The following LRBA variants were observed in gnomAD, a reference collection of about 807,000 sequenced individuals.
LRBA encodes lipopolysaccharide-responsive and beige-like anchor protein.
In LRBA, 176 loss-of-function variants were observed where a neutral mutation model predicts 330.0. The observed-to-expected ratio is 0.53, with a 90% CI of 0.47 to 0.60. LRBA has a LOEUF of 0.60. LRBA is among the 20% of genes least tolerant of loss of function. The pLI, the probability that LRBA is intolerant of heterozygous loss-of-function variation, is 0.00. For synonymous variants in LRBA, 1,230 were observed against 1,193.0 expected, an observed-to-expected ratio of 1.03 and a Z score of -0.64; for missense variants, 3,259 against 3,444.8, an observed-to-expected ratio of 0.95 and a Z score of 1.35.
intron 44 of LRBA, 83 bp from the exon 45 acceptor site, chr4:150,436,947 G>A (rs1581308023): frequency 4.0e-6 from 5 of 1,253,266 alleles, no homozygotes; most frequent in East Asian, 4.8e-5. Flanking sequence ...ATATCCTACT[G>A]GTAAGTATAA....
intron 55 of LRBA, among the ~76,000 whole-genome samples, chr4:150,281,883 G>A (rs1252006929): frequency 6.6e-6 from 1 of 152,118 alleles, no homozygotes; most frequent in African/African-American, 2.4e-5. Flanking sequence ...GTCCACTGGC[G>A]GTGCCATTTC....
chr4:150,446,609 A>G (rs1344038039), intron 44 of LRBA, among the ~76,000 whole-genome samples: 2 of 152,202 alleles, frequency 1.3e-5, no homozygotes, highest in Admixed American at 1.3e-4. Flanking sequence ...CCCCAAAATG[A>G]AGCCCTTATA....
chr4:150,943,058 A>T (rs1323329292), intron 2 of LRBA, among the ~76,000 whole-genome samples: 1 of 152,202 alleles, frequency 6.6e-6, no homozygotes, highest in Non-Finnish European at 1.5e-5. Flanking sequence ...TACCCTTCAT[A>T]AGAGTTAGAA....
At chr4:150,518,556 T>C (rs1240286934) in intron 40 of LRBA, among the ~76,000 whole-genome samples, 1 of 152,154 alleles carries the variant, frequency 6.6e-6, no homozygotes, top group Admixed American at 6.5e-5. Context: ...TTCCCTACTT[T>C]AACGTTTGCA....
At chr4:151,013,121 A>G (rs1286858914) in intron 2 of LRBA, 5 of 152,226 alleles carry the variant, frequency 3.3e-5, no homozygotes, top group Non-Finnish European at 7.3e-5. Flanking sequence ...TGACCAGACC[A>G]TTAGAGAAGG....
intron 28 of LRBA, among the ~76,000 whole-genome samples, chr4:150,837,592 T>C (rs1748330448): frequency 6.6e-6 from 1 of 152,222 alleles, no homozygotes; most frequent in East Asian, 1.9e-4. Flanking sequence ...AAGTCTGTTT[T>C]ATCAGAGACT....
At chr4:150,434,205 C>T (rs1750794910) in intron 46 of LRBA, among the ~76,000 whole-genome samples, 1 of 152,076 alleles carries the variant, frequency 6.6e-6, no homozygotes, top group Non-Finnish European at 1.5e-5. Flanking sequence ...AACTTCAAAA[C>T]CATAGGGATA....
intron 47 of LRBA, among the ~76,000 whole-genome samples, chr4:150,389,371 A>C (rs1743549240): frequency 6.6e-6 from 1 of 151,706 alleles, no homozygotes; most frequent in Non-Finnish European, 1.5e-5. Flanking sequence ...ATAAATAAAT[A>C]AATAAATAAA....
At chr4:150,836,340 C>A (rs1441305968) in intron 28 of LRBA, among the ~76,000 whole-genome samples, 2 of 152,144 alleles carry the variant, frequency 1.3e-5, no homozygotes, top group South Asian at 4.1e-4. Flanking sequence ...AGGATTCCCT[C>A]TTTTTCTATT....
intron 40 of LRBA, among the ~76,000 whole-genome samples, chr4:150,529,780 C>T (rs372508621): frequency 1.2e-4 from 18 of 151,684 alleles, no homozygotes; most frequent in African/African-American, 4.1e-4. Context: ...CTGTAACAAT[C>T]AGTACACTCT....
chr4:151,004,415 C>T (rs537501888), intron 2 of LRBA, among the ~76,000 whole-genome samples: 1 of 152,326 alleles, frequency 6.6e-6, no homozygotes, highest in African/African-American at 2.4e-5. Flanking sequence ...GTAGCATATA[C>T]ATACAGCATG....
At chr4:150,335,431 A>G (rs148323562) in intron 48 of LRBA, among the ~76,000 whole-genome samples, 44 of 147,714 alleles carry the variant, frequency 3.0e-4, no homozygotes, top group Middle Eastern at 3.6e-3. Flanking sequence ...ACATATATAC[A>G]TATATATATA....
At chr4:150,690,001 T>C (rs1783973583) in intron 36 of LRBA, among the ~76,000 whole-genome samples, 1 of 151,818 alleles carries the variant, frequency 6.6e-6, no homozygotes, top group Non-Finnish European at 1.5e-5. Context: ...TTTATACAGA[T>C]CTTATAAAAA....
intron 2 of LRBA, among the ~76,000 whole-genome samples, chr4:151,007,734 G>A (rs1579481834): frequency 6.8e-6 from 1 of 146,330 alleles, no homozygotes; most frequent in East Asian, 2.1e-4. Flanking sequence ...GCGGGCGCCT[G>A]TAGTCCCAGC....
intron 40 of LRBA, among the ~76,000 whole-genome samples, chr4:150,535,556 C>T (rs1157462317): frequency 6.6e-6 from 1 of 152,132 alleles, no homozygotes; most frequent in African/African-American, 2.4e-5. Context: ...TTACAATTCA[C>T]GCAAGAACAG....
upstream of LRBA, chr4:151,015,690 T>C (rs937306250): frequency 7.9e-5 from 12 of 152,146 alleles, no homozygotes; most frequent in Non-Finnish European, 7.4e-5. Context: ...GTGTGCCCAC[T>C]GAAGCTGCTC....
intron 33 of LRBA, 99 bp downstream of exon 33, chr4:150,806,172 A>G: frequency 2.3e-6 from 2 of 880,982 alleles, no homozygotes; most frequent in Non-Finnish European, 3.3e-6. Context: ...AAGGCTGACA[A>G]CACTTAAACA....
At chr4:150,742,148 T>TATA in intron 35 of LRBA, among the ~76,000 whole-genome samples, 1 of 60,890 alleles carries the variant, frequency 1.6e-5, no homozygotes, top group African/African-American at 5.6e-5. Context: ...ATTATTATTA[T>TATA]TATTTTTTTT....
intron 34 of LRBA, among the ~76,000 whole-genome samples, chr4:150,765,408 T>G (rs374448393): frequency 5.3e-5 from 8 of 152,154 alleles, no homozygotes; most frequent in African/African-American, 1.7e-4. Flanking sequence ...CTATGGACTT[T>G]GGGTGATAAT....
Sources: gnomAD v4.1 joint callset for allele counts (sites outside exome capture counted in the v4.1 genomes callset) on GRCh38, gnomAD v4.1.1 for gene constraint, MANE v1.5 for transcripts, NCBI Gene and HGNC (gene_info 2026-07-23, HGNC 2026-07-21) for gene names.